The following KCNN2 variants were observed in gnomAD, a reference collection of about 807,000 sequenced individuals.
KCNN2 encodes the protein potassium calcium-activated channel subfamily N member 2, also known as small conductance calcium-activated potassium channel protein 2.
KCNN2 carries 24 observed loss-of-function variants against 55.5 expected under a neutral mutation model. The observed-to-expected ratio is 0.43, with a 90% CI of 0.31 to 0.61. The LOEUF (loss-of-function observed/expected upper bound fraction) is 0.61, where lower values mean the gene tolerates loss of function less well. Among genes scored for constraint, KCNN2 ranks in the 20% least tolerant of loss-of-function variants. The pLI is 0.08. For missense variants in KCNN2, 754 were observed against 853.6 expected, an observed-to-expected ratio of 0.88 and a Z score of 1.45; for synonymous variants, 431 against 336.1, an observed-to-expected ratio of 1.28 and a Z score of -3.09.
chr5:114,068,064 C>T (rs1045521101), intron 1 of KCNN2, among the ~76,000 whole-genome samples: 7 of 152,122 alleles, frequency 4.6e-5, no homozygotes, highest in African/African-American at 1.7e-4. Context: ...ATAACAAAGT[C>T]GCAGAAGTCA....
intron 1 of KCNN2, among the ~76,000 whole-genome samples, chr5:114,218,284 G>C (rs1754050320): frequency 6.6e-6 from 1 of 152,168 alleles, no homozygotes; most frequent in African/African-American, 2.4e-5. Flanking sequence ...ACCTGCACAT[G>C]GATGTTTATA....
chr5:114,288,742 T>A (rs1048141178), intron 2 of KCNN2, among the ~76,000 whole-genome samples: 2 of 152,194 alleles, frequency 1.3e-5, no homozygotes, highest in African/African-American at 4.8e-5. Flanking sequence ...GTTGTAAGTA[T>A]CTTTATATTC....
intron 2 of KCNN2, among the ~76,000 whole-genome samples, chr5:114,401,541 G>A (rs1758787033): frequency 6.6e-6 from 1 of 152,164 alleles, no homozygotes; most frequent in Non-Finnish European, 1.5e-5. Context: ...CTAACAAGTA[G>A]GGGAGACAGT....
At chr5:114,430,229 C>G (rs1759748853) in intron 3 of KCNN2, among the ~76,000 whole-genome samples, 1 of 152,010 alleles carries the variant, frequency 6.6e-6, no homozygotes, top group Non-Finnish European at 1.5e-5. Flanking sequence ...ACTGAAATCT[C>G]AACAATTGTT....
Position 114,496,055 on chromosome 5 carries a change from A to T in KCNN2, c.2249A>T (p.Asp750Val), listed in dbSNP as rs1248000289. The T allele has an allele frequency of 1.2e-6, 2 of 1,614,024 alleles. No homozygotes were observed. The highest frequency in any genetic ancestry group is 1.7e-6 in the Non-Finnish European group (2 of 1,179,960). The stretch of plus-strand genomic sequence containing the variant: ...CAGACCATCAGGCAGCAGCAGAGAG[A>T]TTTCATTGAGGCTCAGATGGAGAGC... ...ISQTIRQQQR[D>V]FIEAQMESYD... The change falls in exon 8 of 8, where the codon GAT (aspartate) becomes GTT (valine). Residue 750 changes from aspartate to valine, a missense_variant. Asp to Val is a radical substitution (Grantham distance 152). This residue lies in a region of KCNN2 where 164 missense variants were observed against 156.6 expected (regional missense o/e 1.05). Coordinates refer to ENST00000673685, the MANE Select transcript of KCNN2 (RefSeq NM_021614.4).
chr5:114,229,302 A>G (rs1282954970), intron 2 of KCNN2, among the ~76,000 whole-genome samples: 1 of 151,034 alleles, frequency 6.6e-6, no homozygotes, highest in Non-Finnish European at 1.5e-5. Context: ...TTTTTTTTTA[A>G]CATTTTCTTT....
chr5:114,237,040 A>G (rs957447322), intron 2 of KCNN2, among the ~76,000 whole-genome samples: 3 of 152,124 alleles, frequency 2.0e-5, no homozygotes, highest in Admixed American at 1.3e-4. Context: ...TGCTGCTAAA[A>G]TAGTCTTGAA....
At chr5:114,179,309 G>T (rs1753193620) in intron 1 of KCNN2, among the ~76,000 whole-genome samples, 1 of 152,152 alleles carries the variant, frequency 6.6e-6, no homozygotes, top group Non-Finnish European at 1.5e-5. Context: ...CTCTGTTCAT[G>T]CTGGCTTTGG....
intron 3 of KCNN2, among the ~76,000 whole-genome samples, chr5:114,426,282 A>G (rs1482987934): frequency 6.6e-6 from 1 of 152,232 alleles, no homozygotes; most frequent in Non-Finnish European, 1.5e-5. Context: ...TCTTGTGTCT[A>G]TCAAGATGCT....
chr5:114,431,443 T>C (rs558910618), intron 3 of KCNN2, among the ~76,000 whole-genome samples: 2 of 152,190 alleles, frequency 1.3e-5, no homozygotes, highest in Admixed American at 1.3e-4. Context: ...GCCCCCTCTT[T>C]CATTTCTGAT....
intron 5 of KCNN2, among the ~76,000 whole-genome samples, chr5:114,483,275 T>TTC (rs1762310176): frequency 1.7e-3 from 1 of 590 alleles, no homozygotes; most frequent in South Asian, 0.25. Context: ...CTTTCTTTCT[T>TTC]TTTTTTTTTT....
chr5:114,399,861 A>G lies in KCNN2; in HGVS notation c.1219-4577A>G, dbSNP rs147092318. Among the ~76,000 whole-genome samples the G allele has an allele frequency of 4.2e-5, 6 of 141,234 alleles. No individual in the cohort carries two copies. The East Asian group carries it at 8.3e-4, about 20-fold the overall frequency. 92.7% of individuals were successfully genotyped at this position (141,234 alleles called of 152,430 possible). A position where few individuals can be genotyped will look rare whatever the true frequency, so the allele number is the denominator to read the frequency against. Reference sequence around the variant, plus strand: ...ATTGTATGTTTCCAGGAATTTTTCTATTTCCTCTAAGTTTTCTAGCCTGTG... The same window carrying G: ...ATTGTATGTTTCCAGGAATTTTTCTGTTTCCTCTAAGTTTTCTAGCCTGTG... On this transcript the variant is annotated intron_variant, in intron 2 of 7. Transcript: ENST00000673685.
At chr5:114,402,591 G>A (rs1758816415) in intron 2 of KCNN2, among the ~76,000 whole-genome samples, 1 of 152,204 alleles carries the variant, frequency 6.6e-6, no homozygotes, top group African/African-American at 2.4e-5. Context: ...GGGTGTGGCT[G>A]TAGGTAAGAT....
intron 1 of KCNN2, among the ~76,000 whole-genome samples, chr5:114,215,581 A>G (rs895812187): frequency 6.6e-6 from 1 of 152,064 alleles, no homozygotes; most frequent in African/African-American, 2.4e-5. Flanking sequence ...AAGACATAAA[A>G]TTATGCTACA....
At chr5:114,066,562 A>T (rs1750455366) in intron 1 of KCNN2, among the ~76,000 whole-genome samples, 1 of 152,194 alleles carries the variant, frequency 6.6e-6, no homozygotes, top group Non-Finnish European at 1.5e-5. Context: ...TGAAAGATTC[A>T]AGTGTTTTTC....
intron 2 of KCNN2, among the ~76,000 whole-genome samples, chr5:114,304,229 G>GT (rs947404843): frequency 2.6e-5 from 4 of 152,028 alleles, no homozygotes; most frequent in Non-Finnish European, 5.9e-5. Flanking sequence ...CAGGTTTGAG[G>GT]TTTTTTTCCT....
At chr5:114,215,322 G>A (rs547307948) in intron 1 of KCNN2, among the ~76,000 whole-genome samples, 139 of 152,162 alleles carry the variant, frequency 9.1e-4, no homozygotes, top group Non-Finnish European at 1.4e-3. Flanking sequence ...TTTCTAAATG[G>A]TGAATTTAAA....
At chr5:114,276,061 T>TGA (rs1245430640) in intron 2 of KCNN2, among the ~76,000 whole-genome samples, 1 of 152,174 alleles carries the variant, frequency 6.6e-6, no homozygotes, top group Non-Finnish European at 1.5e-5. Flanking sequence ...AGAACATCTT[T>TGA]ATTTCTGCCT....
intron 4 of KCNN2, among the ~76,000 whole-genome samples, chr5:114,467,360 C>G (rs190935157): frequency 5.9e-5 from 9 of 152,312 alleles, no homozygotes; most frequent in Admixed American, 5.2e-4. Context: ...CAAAACTGAT[C>G]TGAAGCCATT....
Sources: allele counts gnomAD v4.1 joint callset (sites outside exome capture counted in the v4.1 genomes callset), GRCh38; gene constraint gnomAD v4.1.1; regional missense constraint gnomAD v4.1.1; transcripts MANE v1.5; gene names NCBI Gene and HGNC (gene_info 2026-07-23, HGNC 2026-07-21).